Variants in VBP1 observed in about 807,000 individuals in gnomAD.
VBP1 encodes the protein VHL binding protein 1.
Under a neutral mutation model 15.5 loss-of-function variants are expected in VBP1, and 4 were observed. The observed-to-expected ratio is 0.26, with a 90% CI of 0.13 to 0.59. VBP1 has a LOEUF of 0.59. Among genes scored for constraint, VBP1 ranks in the 20% least tolerant of loss-of-function variants. The probability of loss-of-function intolerance (pLI) is 0.90; values close to 1 mark genes in which losing one functional copy is unlikely to be tolerated. For missense variants in VBP1, 108 were observed against 139.6 expected, an observed-to-expected ratio of 0.77 and a Z score of 1.14; for synonymous variants, 61 against 52.1, an observed-to-expected ratio of 1.17 and a Z score of -0.74.
intron 1 of VBP1, among the ~76,000 whole-genome samples, chrX:155,198,113 G>T: frequency 8.9e-6 from 1 of 112,784 alleles, no homozygotes; most frequent in Non-Finnish European, 1.9e-5. Flanking sequence ...CAGGAAGCTC[G>T]AACTGGGTGG....
At chrX:155,217,976 C>T (rs1602879590) in intron 1 of VBP1, among the ~76,000 whole-genome samples, 2 of 111,495 alleles carry the variant, frequency 1.8e-5, no homozygotes, top group African/African-American at 6.5e-5. Flanking sequence ...GTGCCTCACA[C>T]ATAGTATAAG....
intron 1 of VBP1, among the ~76,000 whole-genome samples, chrX:155,216,936 A>G (rs1385451658): frequency 8.9e-6 from 1 of 112,301 alleles, no homozygotes; most frequent in East Asian, 2.8e-4. Flanking sequence ...TCGACTCAGC[A>G]TGGATGCTGG....
chrX:155,225,718 TTGTG>T (rs782282603), intron 2 of VBP1, among the ~76,000 whole-genome samples: 3 of 112,623 alleles, frequency 2.7e-5, no homozygotes, highest in East Asian at 2.8e-4. Flanking sequence ...ACTCCTTATG[TTGTG>T]TGTGTATCAC....
upstream of VBP1, chrX:155,213,053 A>T (rs188999585): frequency 8.9e-6 from 1 of 112,030 alleles, no homozygotes; most frequent in African/African-American, 3.2e-5. Flanking sequence ...AATAGAATAC[A>T]CATGTATTCT....
chrX:155,233,361 T>C (rs1051834834), intron 4 of VBP1, among the ~76,000 whole-genome samples: 1 of 112,032 alleles, frequency 8.9e-6, no homozygotes, highest in Non-Finnish European at 1.9e-5. Flanking sequence ...CTGCAATCCT[T>C]GGCTCATGGT....
At chrX:155,211,726 A>G (rs781858419), upstream of VBP1, among the ~76,000 whole-genome samples, 1 of 112,306 alleles carries the variant, frequency 8.9e-6, no homozygotes, top group Non-Finnish European at 1.9e-5. Context: ...GTATATGTGA[A>G]GAATAGCCCT....
rs1404842645 is a variant in VBP1 at position 155,238,571 on chromosome X, TTAGTTTTGA to T, written c.524-197_524-189del. ...ATGGGTTAACAATTAATTTGAGTCC[TTAGTTTTGA>T]TAGAGTTTAATTATAGTATTTTCCT... On this transcript the variant is annotated intron_variant, in intron 5 of 5. Transcript: ENST00000286428. Among the ~76,000 whole-genome samples, 3 of 112,134 alleles carry T rather than the reference TTAGTTTTGA, an allele frequency of 2.7e-5. No homozygotes were observed. The East Asian group carries it at 8.3e-4, about 31-fold the overall frequency.
intron 5 of VBP1, among the ~76,000 whole-genome samples, chrX:155,238,066 C>T (rs782540981): frequency 8.9e-6 from 1 of 111,822 alleles, no homozygotes; most frequent in South Asian, 3.7e-4. Context: ...GAGAAAAAAA[C>T]AGGATCCAGT....
chrX:155,232,984 T>G (rs782786413), intron 4 of VBP1, among the ~76,000 whole-genome samples: 13 of 112,827 alleles, frequency 1.2e-4, no homozygotes, highest in Non-Finnish European at 1.7e-4. Context: ...TGTGGAATAC[T>G]ATACAGTACA....
chrX:155,228,587 C>A, intron 4 of VBP1, 105 bp downstream of exon 4: 1 of 627,436 alleles, frequency 1.6e-6, no homozygotes, highest in Non-Finnish European at 2.5e-6. Context: ...AGTAGTATTG[C>A]TCGAGATATG....
chrX:155,236,167 T>G, intron 4 of VBP1, 62 bp from the exon 5 acceptor site: 1 of 1,132,423 alleles, frequency 8.8e-7, no homozygotes, highest in South Asian at 2.2e-5. Context: ...TGCCCACACT[T>G]TACTCTAACC....
upstream of VBP1, chrX:155,216,282 A>G (rs1376249056): frequency 3.4e-6 from 3 of 878,599 alleles, no homozygotes; most frequent in East Asian, 7.1e-5. Context: ...CACGCTTGTC[A>G]CTTACCTGAG....
intron 4 of VBP1, among the ~76,000 whole-genome samples, chrX:155,235,718 A>T: frequency 8.9e-6 from 1 of 112,486 alleles, no homozygotes; most frequent in Non-Finnish European, 1.9e-5. Flanking sequence ...TTAATATCAT[A>T]TCTCAAGCTC....
At chrX:155,203,666 G>A (rs1602867284) in intron 1 of VBP1, among the ~76,000 whole-genome samples, 1 of 106,937 alleles carries the variant, frequency 9.4e-6, no homozygotes, top group East Asian at 3.0e-4. Flanking sequence ...GCTAAATGAC[G>A]AGTTAATGGG....
At chrX:155,214,951 C>T (rs1197033170), upstream of VBP1, among the ~76,000 whole-genome samples, 4 of 110,112 alleles carry the variant, frequency 3.6e-5, no homozygotes, top group Non-Finnish European at 7.6e-5. Context: ...TCTGTTTGTA[C>T]CTGTAAGGGA....
At chrX:155,204,497 A>G (rs968089876) in intron 1 of VBP1, among the ~76,000 whole-genome samples, 16 of 111,931 alleles carry the variant, frequency 1.4e-4, no homozygotes, top group African/African-American at 4.5e-4. Context: ...ATATGGTTAC[A>G]ACTACGAACA....
chrX:155,234,302 G>T (rs1457010197), intron 4 of VBP1, among the ~76,000 whole-genome samples: 2 of 108,501 alleles, frequency 1.8e-5, no homozygotes, highest in South Asian at 4.1e-4. Flanking sequence ...TGTATTTTTA[G>T]TAGAGACGGG....
chrX:155,207,043 G>A (rs1256843434), intron 1 of VBP1, among the ~76,000 whole-genome samples: 14 of 111,522 alleles, frequency 1.3e-4, no homozygotes, highest in Non-Finnish European at 3.8e-5. Context: ...CAGGGTCCAA[G>A]TACCAAAGGA....
intron 1 of VBP1, among the ~76,000 whole-genome samples, chrX:155,219,906 T>C (rs1033265211): frequency 9.1e-6 from 1 of 109,890 alleles, no homozygotes; most frequent in Non-Finnish European, 1.9e-5. Flanking sequence ...GAAATGCTCA[T>C]TGGAGCATTT....
Sources: allele counts gnomAD v4.1 joint callset (sites outside exome capture counted in the v4.1 genomes callset), GRCh38; gene constraint gnomAD v4.1.1; transcripts MANE v1.5; gene names NCBI Gene and HGNC (gene_info 2026-07-23, HGNC 2026-07-21).